The following ATP8B1 variants were observed in gnomAD, a reference collection of about 807,000 sequenced individuals.
ATP8B1 encodes the protein phospholipid-transporting ATPase IC.
A neutral mutation model predicts 149.9 loss-of-function variants in ATP8B1; 80 were observed. The observed-to-expected ratio is 0.53, with a 90% CI of 0.45 to 0.64. ATP8B1 has a LOEUF of 0.64. Among genes scored for constraint, ATP8B1 ranks in the 30% least tolerant of loss-of-function variants. ATP8B1 has a pLI of 0.00. For missense variants in ATP8B1, 1,247 were observed against 1,552.6 expected (o/e 0.80, Z 3.31); for synonymous variants, 536 against 562.8 (o/e 0.95, Z 0.67).
chr18:57,659,595 G>A (rs1910255108), intron 22 of ATP8B1: 1 of 150,826 alleles, frequency 6.6e-6, no homozygotes, highest in Non-Finnish European at 1.5e-5. Context: ...TGGCTATGGA[G>A]GAAAGAGATA....
chr18:57,686,514 G>A (rs536717611), intron 13 of ATP8B1, among the ~76,000 whole-genome samples: 29 of 152,078 alleles, frequency 1.9e-4, no homozygotes, highest in African/African-American at 5.8e-4. Flanking sequence ...TCCACCTCCC[G>A]GGTTCAAGCG....
intron 2 of ATP8B1, among the ~76,000 whole-genome samples, chr18:57,707,798 T>C (rs62092576): frequency 0.2 from 30,021 of 151,216 alleles, 3,175 homozygotes; most frequent in South Asian, 0.32. Flanking sequence ...TGAGCCACTG[T>C]GCCTGGCAAA....
chr18:57,760,669 TAAGG>T (rs1261495536), intron 1 of ATP8B1, among the ~76,000 whole-genome samples: 1 of 152,164 alleles, frequency 6.6e-6, no homozygotes, highest in Non-Finnish European at 1.5e-5. Context: ...ACCAAGGTAA[TAAGG>T]AAGATACTTT....
At chr18:57,683,844 C>T (rs556819559) in intron 15 of ATP8B1, among the ~76,000 whole-genome samples, 192 bp downstream of exon 15, 171 of 152,322 alleles carry the variant, frequency 1.1e-3, no homozygotes, top group African/African-American at 3.8e-3. Flanking sequence ...TGTAAATTTT[C>T]AGGGACAAGA....
chr18:57,744,077 G>A (rs937923646), intron 1 of ATP8B1, among the ~76,000 whole-genome samples: 6 of 152,082 alleles, frequency 3.9e-5, no homozygotes, highest in African/African-American at 1.4e-4. Context: ...CATTTTGAGA[G>A]GCCAAGGTGG....
At chr18:57,742,793 C>A (rs1191313150) in intron 1 of ATP8B1, among the ~76,000 whole-genome samples, 3 of 150,712 alleles carry the variant, frequency 2.0e-5, no homozygotes, top group Non-Finnish European at 4.4e-5. Context: ...CACTTAACTT[C>A]AGGCTAGGTG....
chr18:57,687,701 G>A (rs998022302), intron 13 of ATP8B1, among the ~76,000 whole-genome samples: 1 of 151,436 alleles, frequency 6.6e-6, no homozygotes, highest in Non-Finnish European at 1.5e-5. Flanking sequence ...ATCTCTTTGA[G>A]CCCCTGTTTC....
At chr18:57,717,547 C>CAAAAAAAAAA (rs1163024544) in intron 2 of ATP8B1, among the ~76,000 whole-genome samples, 3 of 19,928 alleles carry the variant, frequency 1.5e-4, no homozygotes, top group African/African-American at 5.0e-4. Flanking sequence ...GACTCTGTCT[C>CAAAAAAAAAA]AAAAAAAAAA....
rs139012426 is a variant in ATP8B1 at position 57,648,519 on chromosome 18, G to C, written c.3725C>G (p.Thr1242Ser). Residue 1242 changes from threonine to serine, a missense_variant, in exon 28 of 28, where the codon ACC becomes AGC. By Grantham distance (58) the Thr-to-Ser change is moderately conservative (BLOSUM62 1). Around this residue, in one of 3 missense-constraint regions of ATP8B1, gnomAD observed 164 missense variants for 160.3 expected, o/e 1.02. Transcript: ENST00000648908. Reference sequence around the variant, plus strand: ...GTCCCCGGTGCGCCTGTACTCCGCGGTGCCATCCGCCACGATGGCATCAAG... The same window carrying C: ...GTCCCCGGTGCGCCTGTACTCCGCGCTGCCATCCGCCACGATGGCATCAAG... ...SPLDAIVADG[T>S]AEYRRTGDS The C allele has an allele frequency of 1.3e-4, 212 of 1,611,406 alleles. 1 individual carries two copies. In the African/African-American group the frequency reaches 2.5e-3, roughly 19 times the overall value.
chr18:57,708,593 T>C (rs536892941), intron 2 of ATP8B1: 10 of 152,100 alleles, frequency 6.6e-5, no homozygotes, highest in African/African-American at 2.4e-4. Flanking sequence ...ACCACCAGGG[T>C]TCTAGAACAC....
intron 8 of ATP8B1, among the ~76,000 whole-genome samples, chr18:57,697,158 G>A (rs1912857868): frequency 6.6e-6 from 1 of 152,124 alleles, no homozygotes. Context: ...TTACTCAAGA[G>A]GCTGAGGCAG....
At position 57,655,402 on chromosome 18, in the gene ATP8B1, A is replaced by G. The variant is rs1243644073; in HGVS notation, c.2723T>C (p.Val908Ala). The change falls in exon 23 of 28, where the codon GTT becomes GCT. Residue 908 changes from valine to alanine, a missense_variant. By Grantham distance (64) the Val-to-Ala change is moderately conservative (BLOSUM62 0). This residue lies in a region of ATP8B1 where 230 missense variants were observed against 356.6 expected (regional missense o/e 0.65). Transcript: ENST00000648908. ...CATTCCTTCTTGTCCACTTATTCCA[A>G]CGCCAATGTGGGCAGCTATGGGGCA... Reference protein sequence around the residue: ...VNMIKTAHIGVGISGQEGMQA... With the variant: ...VNMIKTAHIGAGISGQEGMQA... 4 of 1,614,202 alleles carry G rather than the reference A, an allele frequency of 2.5e-6. 1 individual carries two copies. Among genetic ancestry groups the G allele is most frequent in the Non-Finnish European group, 3.4e-6 (4 of 1,180,012 alleles).
chr18:57,662,673 CTG>C (rs1910547431), intron 20 of ATP8B1, 58 bp from the exon 21 acceptor site: 4 of 1,579,426 alleles, frequency 2.5e-6, no homozygotes, highest in Non-Finnish European at 3.5e-6. Context: ...GCCCTTGACT[CTG>C]AGATAACTTT....
rs533166910 is a variant in ATP8B1 at position 57,677,355 on chromosome 18, G to A, written c.1631-2333C>T. Among the ~76,000 whole-genome samples, 17 of 152,296 alleles carry A rather than the reference G, an allele frequency of 1.1e-4. 1 individual carries two copies. The South Asian group carries it at 3.5e-3, about 32-fold the overall frequency. ...TTTAAAAAATACTCTGCCTACCCAA[G>A]ATCTTCTATTTTTCTACTCTAGTTA... On this transcript the variant is annotated intron_variant, in intron 15 of 27. Coordinates refer to ENST00000648908, the MANE Select transcript of ATP8B1 (RefSeq NM_001374385.1).
chr18:57,777,662 A>C (rs1309905326), intron 1 of ATP8B1, among the ~76,000 whole-genome samples: 3 of 152,094 alleles, frequency 2.0e-5, no homozygotes, highest in African/African-American at 7.2e-5. Flanking sequence ...TCCGCCTCCC[A>C]GGCTGAAGTG....
At position 57,661,383 on chromosome 18, in the gene ATP8B1, C is replaced by A. The variant is rs568134011; in HGVS notation, c.2498G>T (p.Arg833Leu). The change falls in exon 22 of 28, where the codon CGG (arginine) becomes CTG (leucine). Residue 833 changes from arginine to leucine, a missense_variant. By Grantham distance (102) the Arg-to-Leu change is moderately radical (BLOSUM62 -2). Transcript: ENST00000648908. Reference protein sequence around the residue: ...LKFPRTEEERRMRTQSKRRLE... With the variant: ...LKFPRTEEERLMRTQSKRRLE... ...CCTCCTTTTACTTTGGGTCCGCATCCGTCTTTCTTCTTCTGTTCTTGGGAA... is the reference window on the plus strand; with the variant it reads ...CCTCCTTTTACTTTGGGTCCGCATCAGTCTTTCTTCTTCTGTTCTTGGGAA... 4 of 1,613,744 alleles carry A rather than the reference C, an allele frequency of 2.5e-6. No homozygotes were observed. Among genetic ancestry groups the A allele is most frequent in the Non-Finnish European group, 1.7e-6 (2 of 1,180,000 alleles).
At chr18:57,800,255 G>A (rs529945921) in intron 1 of ATP8B1, among the ~76,000 whole-genome samples, 2 of 152,290 alleles carry the variant, frequency 1.3e-5, no homozygotes, top group South Asian at 4.1e-4. Context: ...AGCACTTTGG[G>A]AGGCCAAGGC....
intron 15 of ATP8B1, among the ~76,000 whole-genome samples, chr18:57,677,347 C>T (rs1911660468): frequency 6.6e-6 from 1 of 152,196 alleles, no homozygotes; most frequent in African/African-American, 2.4e-5. Context: ...AATACTCTGC[C>T]TACCCAAGAT....
rs112046791 is a variant in ATP8B1, at chr18:57,692,839, G to A, written c.1030-842C>T. On this transcript the variant is annotated intron_variant, in intron 11 of 27. Transcript: ENST00000648908. ...ATTGTAAAATAAGATCACTTAAGAAGCAATATGATAAGTATTATGTTGTAG... is the reference window on the plus strand; with the variant it reads ...ATTGTAAAATAAGATCACTTAAGAAACAATATGATAAGTATTATGTTGTAG... Among the ~76,000 whole-genome samples the A allele has an allele frequency of 1.0e-3, 153 of 152,300 alleles. 2 individuals carry two copies. The highest frequency in any genetic ancestry group is 3.5e-3 in the African/African-American group (147 of 41,558).
Sources: gnomAD v4.1 joint callset for allele counts (sites outside exome capture counted in the v4.1 genomes callset) on GRCh38, gnomAD v4.1.1 for gene constraint, gnomAD v4.1.1 regional missense constraint, MANE v1.5 for transcripts, NCBI Gene and HGNC (gene_info 2026-07-23, HGNC 2026-07-21) for gene names.